Variants in RLF observed in about 807,000 individuals in gnomAD.
The protein encoded by RLF is zinc finger protein Rlf.
In RLF, 7 loss-of-function variants were observed where a neutral mutation model predicts 162.9. The observed-to-expected ratio is 0.04, with a 90% CI of 0.02 to 0.08. RLF has a LOEUF of 0.08. RLF is among the 10% of genes least tolerant of loss of function. The pLI, the probability that RLF is intolerant of heterozygous loss-of-function variation, is 1.00. For missense variants in RLF, 1,664 were observed against 2,244.7 expected (o/e 0.74, Z 5.23); for synonymous variants, 782 against 791.5 (o/e 0.99, Z 0.20).
chr1:40,208,417 C>CTA (rs750071477), intron 5 of RLF, among the ~76,000 whole-genome samples: 5 of 152,180 alleles, frequency 3.3e-5, no homozygotes, highest in Admixed American at 1.3e-4. Flanking sequence ...AGACTTTCTA[C>CTA]TTGAATCTTA....
At chr1:40,190,713 C>A in intron 2 of RLF, 59 bp from the exon 3 acceptor site, 2 of 1,077,822 alleles carry the variant, frequency 1.9e-6, no homozygotes, top group South Asian at 2.7e-5. Flanking sequence ...GTATTGCTGT[C>A]ATACTCTACT....
intron 6 of RLF, among the ~76,000 whole-genome samples, chr1:40,230,178 A>G (rs1479745855): frequency 6.6e-6 from 1 of 151,952 alleles, no homozygotes; most frequent in Non-Finnish European, 1.5e-5. Context: ...CTTTAGAAAT[A>G]TAAGAAAATA....
Position 40,161,454 on chromosome 1 carries a change from C to T in RLF, c.55C>T (p.Pro19Ser), listed in dbSNP as rs763606038. 2 of 1,577,520 alleles carry T rather than the reference C, an allele frequency of 1.3e-6. No homozygotes were observed. The highest frequency in any genetic ancestry group is 1.7e-6 in the Non-Finnish European group (2 of 1,163,956). Residue 19 changes from proline (P) to serine (S), a missense_variant, in exon 1 of 8, where the codon CCG becomes TCG. Transcript: ENST00000372771. This position sits in a 1 kb window ranked among gnomAD's most constrained non-coding sequence, Gnocchi z 4.4. Reference protein sequence around the residue: ...AAVAGAGAEAPAVAGAGDGVE... With the variant: ...AAVAGAGAEASAVAGAGDGVE... ...TGTCGCCGGGGCTGGGGCTGAGGCTCCGGCGGTAGCGGGAGCCGGAGATGG... is the reference window on the plus strand; with the variant it reads ...TGTCGCCGGGGCTGGGGCTGAGGCTTCGGCGGTAGCGGGAGCCGGAGATGG...
In RLF at chr1:40,161,727, GA is replaced by G; in HGVS notation, c.237+94del. The G allele has an allele frequency of 6.6e-7, 1 of 1,508,776 alleles. No homozygotes were observed. The highest frequency in any genetic ancestry group is 1.2e-5 in the South Asian group (1 of 80,554). The allele number at this position is 1,508,776 out of a possible 1,614,324, so 93.5% of individuals were successfully genotyped here. A position where few individuals can be genotyped will look rare whatever the true frequency, so the allele number is the denominator to read the frequency against. ...CTCTGTAAGCAGCCGGGTCCAAACT[GA>G]AAGGCGCCACCTCCGTGACTCGCCG... On this transcript the variant is annotated intron_variant, in intron 1 of 7. Coordinates refer to ENST00000372771, the MANE Select transcript of RLF (RefSeq NM_012421.4). The surrounding 1 kb of genome is among the most constrained non-coding windows in gnomAD (Gnocchi z 4.4).
At chr1:40,177,214 G>A (rs1034903162) in intron 1 of RLF, among the ~76,000 whole-genome samples, 1 of 151,834 alleles carries the variant, frequency 6.6e-6, no homozygotes, top group African/African-American at 2.4e-5. Context: ...TTGAACTTCC[G>A]ACCTCAAGTG....
chr1:40,237,426 G>A lies in RLF; in HGVS notation c.2724G>A (p.Met908Ile). Reference sequence around the variant, plus strand: ...TAAGTCATAGCTCTTCAGCTTCAATGAATGAAGAGCTAATTGACACACTAG... The same window carrying A: ...TAAGTCATAGCTCTTCAGCTTCAATAAATGAAGAGCTAATTGACACACTAG... Reference protein sequence around the residue: ...DQLSHSSSASMNEELIDTLDH... With the variant: ...DQLSHSSSASINEELIDTLDH... Residue 908 changes from methionine (M) to isoleucine (I), a missense_variant, in exon 8 of 8, where the codon ATG becomes ATA. By Grantham distance (10) the Met-to-Ile change is conservative (BLOSUM62 1). This residue lies in a region of RLF where 295 missense variants were observed against 317.4 expected (regional missense o/e 0.93). Coordinates refer to ENST00000372771, the MANE Select transcript of RLF (RefSeq NM_012421.4). This position sits in a 1 kb window ranked among gnomAD's most constrained non-coding sequence, Gnocchi z 4.4. The A allele has an allele frequency of 6.2e-7, 1 of 1,613,946 alleles. No individual in the cohort carries two copies. The highest frequency in any genetic ancestry group is 8.5e-7 in the Non-Finnish European group (1 of 1,179,910).
Position 40,236,039 on chromosome 1 carries a change from C to T in RLF, c.1337C>T (p.Pro446Leu), listed in dbSNP as rs111609852. Residue 446 changes from proline to leucine, a missense_variant, in exon 8 of 8, where the codon CCG becomes CTG. By Grantham distance (98) the Pro-to-Leu change is moderately conservative. Transcript: ENST00000372771. The surrounding 1 kb of genome is among the most constrained non-coding windows in gnomAD (Gnocchi z 7.7). ...CAAAAATTTGATGAAGAAAATGCAC[C>T]GGTTCCAAATTCTCTTCGATGTGAG... is the stretch of plus-strand genomic sequence containing the variant. ...PDQKFDEENA[P>L]VPNSLRCELL... 8.7e-6 allele frequency: 14 copies of T among 1,613,432 alleles called. No individual in the cohort carries two copies. The highest frequency in any genetic ancestry group is 4.5e-5 in the East Asian group (2 of 44,872).
In RLF at chr1:40,239,270, A is replaced by G. The variant is rs1283920047; in HGVS notation, c.4568A>G (p.Glu1523Gly). 1 of 1,614,144 alleles carries G rather than the reference A, an allele frequency of 6.2e-7. No homozygotes were observed. The highest frequency in any genetic ancestry group is 1.1e-5 in the South Asian group (1 of 91,088). Residue 1523 changes from glutamate to glycine, a missense_variant, in exon 8 of 8, where the codon GAA (glutamate) becomes GGA (glycine). Glu to Gly is a moderately conservative substitution (Grantham distance 98, BLOSUM62 -2). Transcript: ENST00000372771. Reference sequence around the variant, plus strand: ...TCTAAAAAATGTGGCTTAATCAAAGAAAAGAAAGCCCCAATAAGTTTTAAA... The same window carrying G: ...TCTAAAAAATGTGGCTTAATCAAAGGAAAGAAAGCCCCAATAAGTTTTAAA... ...AKSKKCGLIKEKKAPISFKTR... is the reference protein window; with the variant it reads ...AKSKKCGLIKGKKAPISFKTR...
In RLF at chr1:40,238,830, C is replaced by G; in HGVS notation, c.4128C>G (p.Ser1376=). ...YKECNKRFLC[S]KALAKHCSDS... is the part of the protein sequence containing the mutation. ...AATGTAATAAACGCTTCCTGTGTTCCAAAGCTCTTGCTAAGCACTGTAGTG... is the reference window on the plus strand; with the variant it reads ...AATGTAATAAACGCTTCCTGTGTTCGAAAGCTCTTGCTAAGCACTGTAGTG... The change falls in exon 8 of 8, where the codon TCC becomes TCG. Residue 1376 remains serine, a synonymous_variant. Transcript: ENST00000372771. This position sits in a 1 kb window ranked among gnomAD's most constrained non-coding sequence, Gnocchi z 5.2. 1 of 1,613,968 alleles carries G rather than the reference C, an allele frequency of 6.2e-7. No homozygotes were observed. The highest frequency in any genetic ancestry group is 8.5e-7 in the Non-Finnish European group (1 of 1,179,920).
rs1349348419 is a variant in RLF at position 40,198,295 on chromosome 1, C to T, written c.607+2531C>T. Among the ~76,000 whole-genome samples the T allele has an allele frequency of 5.5e-5, 7 of 126,396 alleles. No homozygotes were observed. The East Asian group carries it at 6.4e-4, about 12-fold the overall frequency. The allele number at this position is 126,396 out of a possible 152,430, so 82.9% of individuals were successfully genotyped here. A position where few individuals can be genotyped will look rare whatever the true frequency, so the allele number is the denominator to read the frequency against. Reference sequence around the variant, plus strand: ...AATTGCAGGTGTGAGCCACCGCGCCCGGCCTCTTTTTTTTTTTTTTTTTTT... The same window carrying T: ...AATTGCAGGTGTGAGCCACCGCGCCTGGCCTCTTTTTTTTTTTTTTTTTTT... On this transcript the variant is annotated intron_variant, in intron 4 of 7. Coordinates refer to ENST00000372771, the MANE Select transcript of RLF (RefSeq NM_012421.4).
At chr1:40,235,757 A>C in intron 7 of RLF, 35 bp from the exon 8 acceptor site, 2 of 1,443,596 alleles carry the variant, frequency 1.4e-6, no homozygotes, top group African/African-American at 2.9e-5. Context: ...TTCTGTATGC[A>C]AAAAAATAAT....
intron 1 of RLF, among the ~76,000 whole-genome samples, chr1:40,171,900 G>GT (rs1642250497): frequency 6.6e-6 from 1 of 152,094 alleles, no homozygotes; most frequent in Non-Finnish European, 1.5e-5. Flanking sequence ...TTCCTAGGTA[G>GT]ACCATTGTTA....
At chr1:40,201,416 G>T (rs1025833756) in intron 4 of RLF, among the ~76,000 whole-genome samples, 2 of 151,832 alleles carry the variant, frequency 1.3e-5, no homozygotes, top group African/African-American at 2.4e-5. Context: ...ATGAGGTCAG[G>T]AGATCGAGAC....
At chr1:40,197,810 T>C (rs1642657332) in intron 4 of RLF, among the ~76,000 whole-genome samples, 1 of 152,180 alleles carries the variant, frequency 6.6e-6, no homozygotes, top group Non-Finnish European at 1.5e-5. Context: ...TTAATCTAAT[T>C]TCAGGTCAAA....
chr1:40,233,458 A>ATT (rs1643177603), intron 7 of RLF, among the ~76,000 whole-genome samples: 1 of 152,212 alleles, frequency 6.6e-6, no homozygotes, highest in African/African-American at 2.4e-5. Flanking sequence ...GAGAAACTGA[A>ATT]TTATTTTAAA....
In RLF at chr1:40,237,746, G is replaced by C. The variant is rs369950815; in HGVS notation, c.3044G>C (p.Cys1015Ser). ...AAGTTGGATGCAGAACCTAAACCCTGCTCAGATACAAACAGTGACTCCCCA... is the reference window on the plus strand; with the variant it reads ...AAGTTGGATGCAGAACCTAAACCCTCCTCAGATACAAACAGTGACTCCCCA... ...TEKLDAEPKP[C>S]SDTNSDSPDE... The change falls in exon 8 of 8, where the codon TGC becomes TCC. Residue 1015 changes from cysteine (C) to serine (S), a missense_variant. This residue lies in a region of RLF where 295 missense variants were observed against 317.4 expected (regional missense o/e 0.93). Transcript: ENST00000372771. The surrounding 1 kb of genome is among the most constrained non-coding windows in gnomAD (Gnocchi z 4.4). 35 of 1,614,060 alleles carry C rather than the reference G, an allele frequency of 2.2e-5. No homozygotes were observed. The African/African-American group carries it at 4.4e-4, about 20-fold the overall frequency.
rs1284402799 is a variant in RLF at position 40,238,521 on chromosome 1, A to C, written c.3819A>C (p.Ser1273=). The C allele has an allele frequency of 4.3e-6, 7 of 1,613,828 alleles. No homozygotes were observed. In the Admixed American group the frequency reaches 1.2e-4, roughly 27 times the overall value. The stretch of plus-strand genomic sequence containing the variant: ...AAAGTAAAACATCTGACATTTCATC[A>C]CCAATAGGCAGCCATAGAGAAGAAC... ...ETESKTSDIS[S]PIGSHREEQE... is the part of the protein sequence containing the mutation. Residue 1273 remains serine (S), a synonymous_variant, in exon 8 of 8, where the codon TCA becomes TCC. Coordinates refer to ENST00000372771, the MANE Select transcript of RLF (RefSeq NM_012421.4). The surrounding 1 kb of genome is among the most constrained non-coding windows in gnomAD (Gnocchi z 5.2).
At chr1:40,187,860 C>G (rs1642502964) in intron 1 of RLF, among the ~76,000 whole-genome samples, 1 of 152,066 alleles carries the variant, frequency 6.6e-6, no homozygotes, top group Admixed American at 6.6e-5. Flanking sequence ...GTTGTTTAGG[C>G]AGAAAAATCA....
At chr1:40,194,688 A>G (rs1028632371) in intron 3 of RLF, among the ~76,000 whole-genome samples, 2 of 152,036 alleles carry the variant, frequency 1.3e-5, no homozygotes, top group African/African-American at 4.8e-5. Context: ...TCCTAATAGT[A>G]GGGCACTCCA....
Sources: allele counts gnomAD v4.1 joint callset (sites outside exome capture counted in the v4.1 genomes callset), GRCh38; gene constraint gnomAD v4.1.1; regional missense constraint gnomAD v4.1.1; non-coding constraint Gnocchi (gnomAD v3.1); transcripts MANE v1.5; gene names NCBI Gene and HGNC (gene_info 2026-07-23, HGNC 2026-07-21).